Variants in GRID2 observed in about 807,000 individuals in gnomAD.
GRID2 encodes the protein glutamate ionotropic receptor delta type subunit 2, also known as glutamate receptor ionotropic, delta-2.
GRID2 carries 33 observed loss-of-function variants against 114.8 expected under a neutral mutation model. The observed-to-expected ratio is 0.29, with a 90% CI of 0.22 to 0.38. The LOEUF (loss-of-function observed/expected upper bound fraction) is 0.38, where lower values mean the gene tolerates loss of function less well. Ranked by LOEUF, GRID2 falls within the 10% of genes least tolerant of loss-of-function variation. The pLI, the probability that GRID2 is intolerant of heterozygous loss-of-function variation, is 1.00. For synonymous variants in GRID2, 505 were observed against 449.9 expected (o/e 1.12, Z -1.55); for missense variants, 1,184 against 1,257.7 (o/e 0.94, Z 0.89).
chr4:93,314,784 G>A (rs1756408360), intron 8 of GRID2, among the ~76,000 whole-genome samples: 1 of 151,642 alleles, frequency 6.6e-6, no homozygotes, highest in South Asian at 2.1e-4. Flanking sequence ...GATATATATT[G>A]TGATATGATT....
At chr4:93,701,882 A>G (rs888316730) in intron 14 of GRID2, among the ~76,000 whole-genome samples, 8 of 152,034 alleles carry the variant, frequency 5.3e-5, no homozygotes, top group Non-Finnish European at 7.4e-5. Flanking sequence ...ACAGTTTATT[A>G]ATTTATATGT....
chr4:93,106,079 T>A (rs1410829727), intron 3 of GRID2, among the ~76,000 whole-genome samples: 2 of 152,198 alleles, frequency 1.3e-5, no homozygotes, highest in African/African-American at 4.8e-5. Context: ...TTCCACCACC[T>A]GTTGTTATGT....
intron 2 of GRID2, among the ~76,000 whole-genome samples, chr4:93,066,170 T>C (rs957316894): frequency 1.3e-5 from 2 of 151,994 alleles, no homozygotes; most frequent in Non-Finnish European, 1.5e-5. Flanking sequence ...GATTATACAC[T>C]GACCAAATGT....
intron 2 of GRID2, among the ~76,000 whole-genome samples, chr4:92,930,097 T>A (rs1424694531): frequency 3.3e-5 from 5 of 151,208 alleles, no homozygotes; most frequent in Non-Finnish European, 1.5e-5. Flanking sequence ...TTTCATAACT[T>A]TTTCGTAAAT....
At chr4:93,383,538 T>A (rs913688789) in intron 8 of GRID2, among the ~76,000 whole-genome samples, 4 of 152,184 alleles carry the variant, frequency 2.6e-5, no homozygotes, top group Non-Finnish European at 5.9e-5. Context: ...ATTCTGCCAG[T>A]GCAGTTGTTG....
chr4:93,401,131 T>A (rs1387963487), intron 9 of GRID2, among the ~76,000 whole-genome samples: 1 of 150,574 alleles, frequency 6.6e-6, no homozygotes. Flanking sequence ...GGGAGTTTGA[T>A]TCTTGCAAGA....
intron 2 of GRID2, among the ~76,000 whole-genome samples, chr4:92,611,916 T>G (rs192669866): frequency 6.6e-6 from 1 of 151,676 alleles, no homozygotes; most frequent in African/African-American, 2.4e-5. Context: ...CAGATACATG[T>G]TTGCAAGTAT....
chr4:93,591,039 C>A (rs1361595611), intron 13 of GRID2, among the ~76,000 whole-genome samples: 3 of 150,426 alleles, frequency 2.0e-5, no homozygotes, highest in South Asian at 4.3e-4. Context: ...TAATTGAATA[C>A]CCTTTATTTC....
At chr4:93,453,359 A>AGAGTGAGT (rs1284889245) in intron 10 of GRID2, among the ~76,000 whole-genome samples, 1 of 121,200 alleles carries the variant, frequency 8.3e-6, no homozygotes, top group African/African-American at 3.1e-5. Context: ...AGAGAGAGAG[A>AGAGTGAGT]GTGTGTGTAT....
rs1330993216 is a variant in GRID2, at chr4:93,131,149, T to A, written c.735+20196T>A. ...CTTCCATGAAAAGATTAAATAATTT[T>A]TTTTTTTTTTTTTTTTTTTTGGTGA... On this transcript the variant is annotated intron_variant, in intron 4 of 15. Coordinates refer to ENST00000282020, the MANE Select transcript of GRID2 (RefSeq NM_001510.4). 1.7e-4 allele frequency among the ~76,000 whole-genome samples: 9 copies of A among 51,544 alleles called. No individual in the cohort carries two copies. The Admixed American group carries it at 2.5e-3, about 15-fold the overall frequency. 33.8% of individuals were successfully genotyped at this position (51,544 alleles called of 152,430 possible). A position where few individuals can be genotyped will look rare whatever the true frequency, so the allele number is the denominator to read the frequency against.
At chr4:92,625,127 T>G (rs952256239) in intron 2 of GRID2, among the ~76,000 whole-genome samples, 2 of 151,818 alleles carry the variant, frequency 1.3e-5, no homozygotes, top group Non-Finnish European at 2.9e-5. Context: ...ATTCAGTATT[T>G]TTATATACTG....
At chr4:92,326,773 A>G (rs1423642746) in intron 1 of GRID2, among the ~76,000 whole-genome samples, 1 of 152,004 alleles carries the variant, frequency 6.6e-6, no homozygotes, top group East Asian at 1.9e-4. Flanking sequence ...AAACAATGCT[A>G]TATAATTTGC....
At chr4:93,528,612 CTTATCATA>C (rs1731153164) in intron 13 of GRID2, among the ~76,000 whole-genome samples, 1 of 152,042 alleles carries the variant, frequency 6.6e-6, no homozygotes, top group Non-Finnish European at 1.5e-5. Flanking sequence ...ATTGTGCTTG[CTTATCATA>C]TAAAGCTCAG....
At chr4:92,983,610 C>T (rs1378308909) in intron 2 of GRID2, among the ~76,000 whole-genome samples, 1 of 151,858 alleles carries the variant, frequency 6.6e-6, no homozygotes, top group Admixed American at 6.6e-5. Flanking sequence ...TCATTTTAGT[C>T]TCATAAGCAA....
chr4:93,379,955 C>T (rs994704709), intron 8 of GRID2, among the ~76,000 whole-genome samples: 2 of 151,966 alleles, frequency 1.3e-5, no homozygotes, highest in Admixed American at 6.6e-5. Context: ...ACTTAACAGA[C>T]CTCATAAAAA....
At chr4:92,740,616 C>T (rs910044360) in intron 2 of GRID2, among the ~76,000 whole-genome samples, 10 of 151,924 alleles carry the variant, frequency 6.6e-5, no homozygotes, top group Admixed American at 5.3e-4. Flanking sequence ...TCAGATTTCT[C>T]TTTATTTTCT....
At chr4:93,354,672 G>A (rs1281870625) in intron 8 of GRID2, among the ~76,000 whole-genome samples, 2 of 4,832 alleles carry the variant, frequency 4.1e-4, no homozygotes, top group East Asian at 2.6e-3. Context: ...TGGCTCATCC[G>A]TGTGTGTGTG....
chr4:92,903,925 G>C (rs1322312258), intron 2 of GRID2, among the ~76,000 whole-genome samples: 1 of 151,792 alleles, frequency 6.6e-6, no homozygotes. Flanking sequence ...TATCATAGAG[G>C]GAAGTATCTA....
chr4:93,007,805 C>T (rs1174203601), intron 2 of GRID2, among the ~76,000 whole-genome samples: 1 of 151,960 alleles, frequency 6.6e-6, no homozygotes, highest in Non-Finnish European at 1.5e-5. Context: ...CTTTGGGAGG[C>T]TGGGCCCAGT....
Sources: gnomAD v4.1 joint callset for allele counts (sites outside exome capture counted in the v4.1 genomes callset) on GRCh38, gnomAD v4.1.1 for gene constraint, MANE v1.5 for transcripts, NCBI Gene and HGNC (gene_info 2026-07-23, HGNC 2026-07-21) for gene names.